PTPRZ1: variants seen among roughly 807,000 people sequenced by gnomAD.
PTPRZ1 encodes the protein receptor-type tyrosine-protein phosphatase zeta.
Under a neutral mutation model 214.1 loss-of-function variants are expected in PTPRZ1, and 82 were observed. That is an observed-to-expected ratio of 0.38 (90% CI 0.32 to 0.46). The LOEUF (loss-of-function observed/expected upper bound fraction) is 0.46, where lower values mean the gene tolerates loss of function less well. Ranked by LOEUF, PTPRZ1 falls within the 20% of genes least tolerant of loss-of-function variation. The pLI is 1.00. For synonymous variants in PTPRZ1, 945 were observed against 987.9 expected, an observed-to-expected ratio of 0.96 and a Z score of 0.81; for missense variants, 2,603 against 2,748.7, an observed-to-expected ratio of 0.95 and a Z score of 1.19.
intron 8 of PTPRZ1, among the ~76,000 whole-genome samples, chr7:121,985,430 A>T (rs189064876): frequency 1.5e-4 from 23 of 152,334 alleles, no homozygotes; most frequent in African/African-American, 5.3e-4. Flanking sequence ...ATAAAGTTCA[A>T]ACTGCTTGTT....
intron 12 of PTPRZ1, among the ~76,000 whole-genome samples, chr7:122,017,299 A>G (rs1483760879): frequency 2.0e-5 from 3 of 152,146 alleles, no homozygotes; most frequent in Non-Finnish European, 2.9e-5. Context: ...ATGAGTCTCC[A>G]CAAAATAATG....
intron 1 of PTPRZ1, among the ~76,000 whole-genome samples, chr7:121,921,779 G>C (rs779784514): frequency 1.3e-4 from 20 of 152,208 alleles, no homozygotes; most frequent in African/African-American, 4.8e-4. Context: ...CAAATGGCTT[G>C]ATATATATAC....
rs746068260 is a variant in PTPRZ1, at chr7:122,012,930, C to T, written c.3884C>T (p.Thr1295Met). Residue 1295 changes from threonine to methionine, a missense_variant, in exon 12 of 30, where the codon ACG becomes ATG. Physicochemically the swap from Thr to Met is moderately conservative, Grantham distance 81. Transcript: ENST00000393386. ...TACAGTAATGATGAGTTGTTCCAAACGGCCAATTTGGAGATTAACCAGGCC... is the reference window on the plus strand; with the variant it reads ...TACAGTAATGATGAGTTGTTCCAAATGGCCAATTTGGAGATTAACCAGGCC... ...SLYSNDELFQTANLEINQAHP... is the reference protein window; with the variant it reads ...SLYSNDELFQMANLEINQAHP... 31 of 1,613,866 alleles carry T rather than the reference C, an allele frequency of 1.9e-5. No individual in the cohort carries two copies. The highest frequency in any genetic ancestry group is 1.6e-4 in the Middle Eastern group (1 of 6,084).
chr7:121,911,154 A>C (rs1795262976), intron 1 of PTPRZ1, among the ~76,000 whole-genome samples: 1 of 152,112 alleles, frequency 6.6e-6, no homozygotes, highest in Non-Finnish European at 1.5e-5. Flanking sequence ...TGAAAGGTTT[A>C]ATATTGTACT....
At chr7:121,973,851 T>C (rs991460892) in intron 4 of PTPRZ1, among the ~76,000 whole-genome samples, 19 of 148,546 alleles carry the variant, frequency 1.3e-4, no homozygotes, top group Middle Eastern at 6.9e-3. Context: ...TGGGAATCAC[T>C]TGAACTCAGG....
At chr7:122,015,991 G>A (rs1417401885) in intron 12 of PTPRZ1, among the ~76,000 whole-genome samples, 4 of 152,012 alleles carry the variant, frequency 2.6e-5, no homozygotes, top group Admixed American at 2.6e-4. Flanking sequence ...TCAAATGCAT[G>A]CAGACTAGCT....
intron 3 of PTPRZ1, among the ~76,000 whole-genome samples, chr7:121,969,373 T>C (rs941469430): frequency 1.3e-5 from 2 of 151,844 alleles, no homozygotes; most frequent in African/African-American, 4.8e-5. Flanking sequence ...ACCAGCTTGG[T>C]CAACATGGCA....
At chr7:122,055,734 G>A (rs924663303) in intron 27 of PTPRZ1, among the ~76,000 whole-genome samples, 4 of 151,726 alleles carry the variant, frequency 2.6e-5, no homozygotes, top group African/African-American at 9.7e-5. Context: ...TATTTACATA[G>A]AACTATAGTA....
In PTPRZ1 at chr7:122,012,052, T is replaced by C; in HGVS notation, c.3006T>C (p.Asp1002=). ...GGGAATGGTCTGGAGCCTCTTCTGA[T>C]AGTGAATTTCTTTTACCTGACACAG... ...GDGEWSGASS[D]SEFLLPDTDG... is the part of the protein sequence containing the mutation. The change falls in exon 12 of 30, where the codon GAT becomes GAC. Residue 1002 remains aspartate (D), a synonymous_variant. Transcript: ENST00000393386. The C allele has an allele frequency of 6.2e-7, 1 of 1,614,266 alleles. No homozygotes were observed. The highest frequency in any genetic ancestry group is 8.5e-7 in the Non-Finnish European group (1 of 1,180,044).
intron 1 of PTPRZ1, among the ~76,000 whole-genome samples, chr7:121,915,210 A>G (rs1795389827): frequency 6.6e-6 from 1 of 152,166 alleles, no homozygotes; most frequent in Admixed American, 6.5e-5. Flanking sequence ...CTCCCTGATC[A>G]GGAGGGAACA....
chr7:122,031,083 CT>C (rs1244077211), intron 14 of PTPRZ1, among the ~76,000 whole-genome samples: 1 of 152,008 alleles, frequency 6.6e-6, no homozygotes. Flanking sequence ...TTGGTCCACA[CT>C]AAAATTGAAA....
intron 29 of PTPRZ1, 26 bp downstream of exon 29, chr7:122,059,914 T>G: frequency 6.2e-7 from 1 of 1,601,596 alleles, no homozygotes; most frequent in South Asian, 1.1e-5. Flanking sequence ...GTGAACGAAA[T>G]TTTTCACTGA....
intron 2 of PTPRZ1, among the ~76,000 whole-genome samples, chr7:121,959,213 T>A (rs2116481903): frequency 6.6e-6 from 1 of 152,316 alleles, no homozygotes; most frequent in South Asian, 2.1e-4. Flanking sequence ...TTCTCTGACC[T>A]GTAACCCCCT....
Position 121,997,929 on chromosome 7 carries a change from T to C in PTPRZ1, c.1163T>C (p.Ile388Thr), listed in dbSNP as rs754278530. The C allele has an allele frequency of 7.4e-6, 12 of 1,611,252 alleles. No individual in the cohort carries two copies. Among genetic ancestry groups the C allele is most frequent in the Admixed American group, 1.7e-5 (1 of 59,918 alleles). Residue 388 changes from isoleucine (I) to threonine (T), a missense_variant, in exon 10 of 30, where the codon ATA becomes ACA. Ile to Thr is a moderately conservative substitution (Grantham distance 89). Coordinates refer to ENST00000393386, the MANE Select transcript of PTPRZ1 (RefSeq NM_002851.3). ...CCCAATATGAGTTATGTTCTTCAGATAGTAGCCATATGCACTAATGGCTTA... is the reference window on the plus strand; with the variant it reads ...CCCAATATGAGTTATGTTCTTCAGACAGTAGCCATATGCACTAATGGCTTA... Reference protein sequence around the residue: ...LLPNMSYVLQIVAICTNGLYG... With the variant: ...LLPNMSYVLQTVAICTNGLYG...
At chr7:121,935,535 T>G (rs994271663) in intron 2 of PTPRZ1, among the ~76,000 whole-genome samples, 2 of 136,732 alleles carry the variant, frequency 1.5e-5, no homozygotes, top group African/African-American at 3.0e-5. Context: ...TTTTGTTTTT[T>G]GGGGTTTTTT....
intron 18 of PTPRZ1, among the ~76,000 whole-genome samples, chr7:122,037,864 G>T (rs932942545): frequency 2.0e-5 from 3 of 152,100 alleles, no homozygotes; most frequent in Non-Finnish European, 2.9e-5. Context: ...AAAGATTAAG[G>T]TTCACGTTCT....
In PTPRZ1 at chr7:122,013,331, G is replaced by A. The variant is rs1238558021; in HGVS notation, c.4285G>A (p.Asp1429Asn). ...CACTGATGATGATGGTGATGATGAT[G>A]ATGATGACAGAGGTAGTGATGGCTT... ...GDTDDDGDDD[D>N]DDRGSDGLSI... The change falls in exon 12 of 30, where the codon GAT becomes AAT. Residue 1429 changes from aspartate to asparagine, a missense_variant. Physicochemically the swap from Asp to Asn is conservative, Grantham distance 23. Coordinates refer to ENST00000393386, the MANE Select transcript of PTPRZ1 (RefSeq NM_002851.3). The A allele has an allele frequency of 3.7e-6, 6 of 1,613,998 alleles. No individual in the cohort carries two copies. The Admixed American group carries it at 1.0e-4, about 27-fold the overall frequency.
At chr7:122,017,587 A>G (rs1798882654) in intron 12 of PTPRZ1, among the ~76,000 whole-genome samples, 1 of 116,226 alleles carries the variant, frequency 8.6e-6, no homozygotes, top group African/African-American at 3.6e-5. Flanking sequence ...TTTGAGATAG[A>G]GTCTCACTCT....
chr7:121,873,949 G>C (rs186087694), intron 1 of PTPRZ1, among the ~76,000 whole-genome samples: 1 of 152,224 alleles, frequency 6.6e-6, no homozygotes, highest in African/African-American at 2.4e-5. Flanking sequence ...GTGCGGGGCT[G>C]TGTACTGTAC....
Sources: allele counts gnomAD v4.1 joint callset (sites outside exome capture counted in the v4.1 genomes callset), GRCh38; gene constraint gnomAD v4.1.1; transcripts MANE v1.5; gene names NCBI Gene and HGNC (gene_info 2026-07-23, HGNC 2026-07-21).